The following SP140L variants were observed in gnomAD, a reference collection of about 807,000 sequenced individuals.
SP140L encodes SP140 like nuclear body protein.
In SP140L, 64 loss-of-function variants were observed where a neutral mutation model predicts 84.3. That is an observed-to-expected ratio of 0.76 (90% CI 0.62 to 0.94). The LOEUF (loss-of-function observed/expected upper bound fraction) is 0.94, where lower values mean the gene tolerates loss of function less well. Among genes scored for constraint, SP140L ranks in the 40% least tolerant of loss-of-function variants. The pLI is 0.00. For missense variants in SP140L, 628 were observed against 692.5 expected (o/e 0.91, Z 1.05); for synonymous variants, 242 against 236.9 (o/e 1.02, Z -0.20).
intron 7 of SP140L, among the ~76,000 whole-genome samples, chr2:230,381,181 C>T (rs545857917): frequency 1.4e-4 from 22 of 152,196 alleles, no homozygotes; most frequent in Non-Finnish European, 2.9e-4. Flanking sequence ...ACCTTACCTC[C>T]GAGGGAGATA....
Position 230,401,290 on chromosome 2 carries a change from G to A in SP140L, c.1423-76G>A, listed in dbSNP as rs2062326629. ...AGAAACTTGAGGAAGAAGGGTGTGA[G>A]TCGTGTGCTGTGTCTCATGCATGTG... On this transcript the variant is annotated intron_variant, in intron 16 of 18. Transcript: ENST00000415673. 11 of 1,611,728 alleles carry A rather than the reference G, an allele frequency of 6.8e-6. No individual in the cohort carries two copies. The South Asian group carries it at 1.1e-4, about 16-fold the overall frequency.
At chr2:230,372,742 A>AAG (rs796213794) in intron 7 of SP140L, 10 of 150,416 alleles carry the variant, frequency 6.6e-5, no homozygotes, top group African/African-American at 2.2e-4. Context: ...AAAAAAAAAA[A>AAG]AAAAAGAAAG....
intron 7 of SP140L, among the ~76,000 whole-genome samples, chr2:230,378,174 T>C (rs1476998065): frequency 6.6e-6 from 1 of 152,186 alleles, no homozygotes; most frequent in Non-Finnish European, 1.5e-5. Flanking sequence ...CATTTATCTG[T>C]ATGTCTATTC....
intron 5 of SP140L, among the ~76,000 whole-genome samples, chr2:230,364,790 T>C (rs572856277): frequency 1.0e-3 from 158 of 152,244 alleles, no homozygotes; most frequent in Non-Finnish European, 1.8e-3. Flanking sequence ...CATATGTAGA[T>C]GGTAGTGTTC....
intron 2 of SP140L, among the ~76,000 whole-genome samples, chr2:230,340,141 TCA>T (rs2059996808): frequency 6.6e-6 from 1 of 151,492 alleles, no homozygotes; most frequent in Non-Finnish European, 1.5e-5. Context: ...TCTTTGTAGG[TCA>T]CTCAGGACTT....
In SP140L at chr2:230,341,554, G is replaced by A. The variant is rs991959812; in HGVS notation, c.107+12723G>A. The stretch of plus-strand genomic sequence containing the variant: ...TGGTGAGGAACTGTGTTCCTTTGGA[G>A]GAGGAGAGGTGCTCTGCTTTTTAGA... On this transcript the variant is annotated intron_variant, in intron 2 of 18. Transcript: ENST00000415673. Among the ~76,000 whole-genome samples, 657 of 151,542 alleles carry A rather than the reference G, an allele frequency of 4.3e-3. 1 individual carries two copies. Among genetic ancestry groups the A allele is most frequent in the African/African-American group, 0.015 (625 of 41,140 alleles).
rs1317755918 is a variant in SP140L at position 230,402,880 on chromosome 2, C to G, written c.1727C>G (p.Thr576Arg). The stretch of plus-strand genomic sequence containing the variant: ...AAGGAAGTGTTTGCTATTCAGGAAA[C>G]AAATGGGAACAGTTGACTGGTTTAG... ...DFKEVFAIQE[T>R]NGNS Residue 576 changes from threonine to arginine, a missense_variant, in exon 19 of 19, where the codon ACA becomes AGA. This residue lies in a region of SP140L where 44 missense variants were observed against 36.1 expected (regional missense o/e 1.22). Coordinates refer to ENST00000415673, the MANE Select transcript of SP140L (RefSeq NM_138402.6). The G allele has an allele frequency of 6.2e-7, 1 of 1,612,170 alleles. No homozygotes were observed. The highest frequency in any genetic ancestry group is 2.2e-5 in the East Asian group (1 of 44,750).
rs1575562792 is a variant in SP140L at position 230,400,740 on chromosome 2, C to T, written c.1314-215C>T. On this transcript the variant is annotated intron_variant, in intron 15 of 18. Transcript: ENST00000415673. ...TAGTCCCCACTCACGGTGACACCAC[C>T]TTCCTGAGGCTTCCCTCCTGCTGCT... 5.3e-6 allele frequency: 6 copies of T among 1,131,150 alleles called. No individual in the cohort carries two copies. The Admixed American group carries it at 1.2e-4, about 22-fold the overall frequency. The allele number at this position is 1,131,150 out of a possible 1,614,324, so 70.1% of individuals were successfully genotyped here. A position where few individuals can be genotyped will look rare whatever the true frequency, so the allele number is the denominator to read the frequency against.
intron 18 of SP140L, among the ~76,000 whole-genome samples, chr2:230,402,550 A>T (rs1642170681): frequency 6.6e-6 from 1 of 152,240 alleles, no homozygotes; most frequent in Non-Finnish European, 1.5e-5. Flanking sequence ...GTAAATATCA[A>T]ATGTTCTCAC....
At chr2:230,328,965 C>A in intron 2 of SP140L, 134 bp downstream of exon 2, 1 of 1,347,660 alleles carries the variant, frequency 7.4e-7, no homozygotes, top group Non-Finnish European at 9.7e-7. Context: ...CAATGTGATT[C>A]AGTTGAGGTG....
chr2:230,375,093 C>T (rs1159007877), intron 7 of SP140L, among the ~76,000 whole-genome samples: 1 of 152,114 alleles, frequency 6.6e-6, no homozygotes, highest in Non-Finnish European at 1.5e-5. Context: ...AATTTGAAAA[C>T]ATTTTTACTT....
intron 5 of SP140L, among the ~76,000 whole-genome samples, chr2:230,365,833 T>C (rs1575486119): frequency 1.3e-5 from 2 of 152,258 alleles, no homozygotes; most frequent in East Asian, 3.9e-4. Context: ...TGTGTTTCCA[T>C]TTTCATTTGT....
chr2:230,367,385 T>C (rs1473825796), intron 5 of SP140L, among the ~76,000 whole-genome samples: 1 of 147,532 alleles, frequency 6.8e-6, no homozygotes, highest in Non-Finnish European at 1.5e-5. Context: ...CTTGATCTCC[T>C]AGGCTCAGGC....
At chr2:230,342,711 T>C (rs1277426633) in intron 2 of SP140L, among the ~76,000 whole-genome samples, 5 of 152,252 alleles carry the variant, frequency 3.3e-5, no homozygotes, top group African/African-American at 4.8e-5. Context: ...CTAATGATTC[T>C]TTGAATTACT....
intron 1 of SP140L, among the ~76,000 whole-genome samples, chr2:230,327,762 A>C (rs1319418456): frequency 6.6e-6 from 1 of 152,216 alleles, no homozygotes; most frequent in Non-Finnish European, 1.5e-5. Flanking sequence ...CTCCAGGGTA[A>C]ACAGCTGGCT....
At position 230,402,936 on chromosome 2, in the gene SP140L, A is replaced by G; in HGVS notation, c.*40A>G. 1.3e-6 allele frequency: 2 copies of G among 1,516,982 alleles called. No individual in the cohort carries two copies. The highest frequency in any genetic ancestry group is 1.8e-6 in the Non-Finnish European group (2 of 1,111,428). 94.0% of individuals were successfully genotyped at this position (1,516,982 alleles called of 1,614,324 possible). A position where few individuals can be genotyped will look rare whatever the true frequency, so the allele number is the denominator to read the frequency against. ...GCTGAAGGCCTTCAGGAAATATGCT[A>G]CTGGTTGCCACTGACTTCAAACTGA... On this transcript the variant is annotated 3_prime_UTR_variant, in exon 19 of 19. Coordinates refer to ENST00000415673, the MANE Select transcript of SP140L (RefSeq NM_138402.6).
At chr2:230,371,918 A>C in intron 7 of SP140L, 2 of 406,404 alleles carry the variant, frequency 4.9e-6, no homozygotes, top group Non-Finnish European at 4.6e-6. Context: ...GCCCAATCTA[A>C]TCTTGTAGGC....
chr2:230,371,522 T>C, intron 6 of SP140L, 76 bp from the exon 7 acceptor site: 3 of 1,244,098 alleles, frequency 2.4e-6, no homozygotes, highest in East Asian at 5.0e-5. Context: ...AAGCCTTCTA[T>C]AGTATGAATT....
intron 2 of SP140L, among the ~76,000 whole-genome samples, chr2:230,339,003 G>A (rs2149687435): frequency 7.2e-6 from 1 of 138,028 alleles, no homozygotes; most frequent in East Asian, 2.1e-4. Flanking sequence ...GAATGATGCT[G>A]GCCTCATAAA....
Sources: gnomAD v4.1 joint callset for allele counts (sites outside exome capture counted in the v4.1 genomes callset) on GRCh38, gnomAD v4.1.1 for gene constraint, gnomAD v4.1.1 regional missense constraint, MANE v1.5 for transcripts, NCBI Gene and HGNC (gene_info 2026-07-23, HGNC 2026-07-21) for gene names.